The following INO80 variants were observed in gnomAD, a reference collection of about 807,000 sequenced individuals.
INO80 encodes the protein INO80 complex ATPase subunit.
INO80 carries 20 observed loss-of-function variants against 203.4 expected under a neutral mutation model. The observed-to-expected ratio is 0.10, with a 90% CI of 0.07 to 0.14. The LOEUF (loss-of-function observed/expected upper bound fraction) is 0.14. Among genes scored for constraint, INO80 ranks in the 10% least tolerant of loss-of-function variants. The pLI is 1.00. For missense variants in INO80, 1,419 were observed against 1,914.4 expected, an observed-to-expected ratio of 0.74 and a Z score of 4.83; for synonymous variants, 726 against 685.2, an observed-to-expected ratio of 1.06 and a Z score of -0.93.
At chr15:41,058,562 TGTGTGTGC>T (rs935803205) in intron 16 of INO80, 69 bp downstream of exon 16, 47 of 1,031,874 alleles carry the variant, frequency 4.6e-5, no homozygotes, top group East Asian at 7.4e-5. Flanking sequence ...TGTGTGTGTG[TGTGTGTGC>T]GTGTGTGTGT....
chr15:40,987,735 T>C (rs2043759861), intron 30 of INO80, 81 bp downstream of exon 30: 3 of 1,317,218 alleles, frequency 2.3e-6, no homozygotes, highest in African/African-American at 1.5e-5. Flanking sequence ...AAGAGAGTTT[T>C]AAAATAGTCT....
rs569394937 is a variant in INO80, at chr15:41,071,076, G to A, written c.1606-529C>T. Among the ~76,000 whole-genome samples the A allele has an allele frequency of 2.0e-5, 3 of 152,294 alleles. No individual in the cohort carries two copies. In the South Asian group the frequency reaches 6.2e-4, roughly 32 times the overall value. ...CCCAGCTATTCTGGGGGCTGAGGCAGGAGGGTCACTTGAGCCCAGGAGTTT... is the reference window on the plus strand; with the variant it reads ...CCCAGCTATTCTGGGGGCTGAGGCAAGAGGGTCACTTGAGCCCAGGAGTTT... On this transcript the variant is annotated intron_variant, in intron 12 of 35. Transcript: ENST00000648947.
At chr15:41,080,626 C>T (rs1457928210) in intron 8 of INO80, among the ~76,000 whole-genome samples, 3 of 152,126 alleles carry the variant, frequency 2.0e-5, no homozygotes, top group African/African-American at 7.2e-5. Flanking sequence ...GAGGCTGAGG[C>T]AGGCAGATCA....
chr15:41,076,318 CCA>C (rs2045401533), intron 9 of INO80, among the ~76,000 whole-genome samples: 3 of 152,060 alleles, frequency 2.0e-5, no homozygotes, highest in Non-Finnish European at 4.4e-5. Context: ...CGAGGTCACG[CCA>C]CTGCACTTCA....
In INO80 at chr15:41,092,132, G is replaced by A. The variant is rs75953315; in HGVS notation, c.432C>T (p.Asp144=). Residue 144 remains aspartate (D), a synonymous_variant, in exon 5 of 36, where the codon GAC becomes GAT. Transcript: ENST00000648947. ...TGAGATTGAGTTCTTCTTCATCATCGTCTTCACTCTGAGAATCAGCCTCGC... is the reference window on the plus strand; with the variant it reads ...TGAGATTGAGTTCTTCTTCATCATCATCTTCACTCTGAGAATCAGCCTCGC... ...ESSEADSQSE[D]DDEEELNLSR... 3,647 of 1,610,090 alleles carry A rather than the reference G, an allele frequency of 2.3e-3. 54 individuals are homozygous for A. The African/African-American group carries it at 0.041, about 18-fold the overall frequency.
intron 25 of INO80, among the ~76,000 whole-genome samples, chr15:41,023,972 A>T (rs2044338498): frequency 6.6e-6 from 1 of 152,124 alleles, no homozygotes; most frequent in South Asian, 2.1e-4. Flanking sequence ...TGAAAAGCCA[A>T]AAGCTAGAAT....
rs1319025385 is a variant in INO80 at position 40,984,262 on chromosome 15, G to C, written c.4012C>G (p.Leu1338Val). 6 of 1,614,074 alleles carry C rather than the reference G, an allele frequency of 3.7e-6. No homozygotes were observed. The highest frequency in any genetic ancestry group is 1.1e-5 in the South Asian group (1 of 91,058). ...AAGGAGTCATCTCCGTCAGCAGAGA[G>C]GTTGGAGTTATCAGCCGAGGGAACA... ...PFVPSADNSNLSADGDDSFIS... is the reference protein window; with the variant it reads ...PFVPSADNSNVSADGDDSFIS... The change falls in exon 33 of 36, where the codon CTC becomes GTC. Residue 1338 changes from leucine to valine, a missense_variant. Transcript: ENST00000648947.
At position 40,979,427 on chromosome 15, in the gene INO80, G is replaced by A. The variant is rs181962382; in HGVS notation, c.*796C>T. On this transcript the variant is annotated 3_prime_UTR_variant, in exon 36 of 36. Coordinates refer to ENST00000648947, the MANE Select transcript of INO80 (RefSeq NM_017553.3). ...AGCCAAGCAGGGGACTGAAGGGCATGAGCAGGGAGACTGTGCATTCAGGAT... is the reference window on the plus strand; with the variant it reads ...AGCCAAGCAGGGGACTGAAGGGCATAAGCAGGGAGACTGTGCATTCAGGAT... 2.0e-5 allele frequency: 3 copies of A among 153,414 alleles called. No homozygotes were observed. The highest frequency in any genetic ancestry group is 2.9e-5 in the Non-Finnish European group (2 of 68,568). 9.5% of individuals were successfully genotyped at this position (153,414 alleles called of 1,614,324 possible).
Position 40,980,432 on chromosome 15 carries a change from C to A in INO80, c.4462G>T (p.Ala1488Ser). The change falls in exon 36 of 36, where the codon GCC becomes TCC. Residue 1488 changes from alanine to serine, a missense_variant. Around this residue, in one of 9 missense-constraint regions of INO80, gnomAD observed 112 missense variants for 106.2 expected, o/e 1.05. Coordinates refer to ENST00000648947, the MANE Select transcript of INO80 (RefSeq NM_017553.3). ...AGGGATGTCTGCAGAGGACTGCTGG[C>A]GGAGATTCCTGTGGGGACGGAGAGA... ...YGYNVSKGIS[A>S]SSPLQTSLVR... 1 of 1,612,674 alleles carries A rather than the reference C, an allele frequency of 6.2e-7. No individual in the cohort carries two copies. Among genetic ancestry groups the A allele is most frequent in the Non-Finnish European group, 8.5e-7 (1 of 1,179,676 alleles).
At chr15:41,092,430 GAATA>G (rs1241846516) in intron 4 of INO80, among the ~76,000 whole-genome samples, 1 of 152,028 alleles carries the variant, frequency 6.6e-6, no homozygotes, top group African/African-American at 2.4e-5. Flanking sequence ...AAATTCCTCT[GAATA>G]CTTACAAAAG....
chr15:41,066,961 T>C (rs1337286248), intron 14 of INO80, among the ~76,000 whole-genome samples: 3 of 152,130 alleles, frequency 2.0e-5, no homozygotes, highest in Non-Finnish European at 4.4e-5. Context: ...CAGGCATACT[T>C]ATAAAGTCAA....
intron 14 of INO80, among the ~76,000 whole-genome samples, chr15:41,061,452 A>AC (rs2140562546): frequency 7.0e-6 from 1 of 142,980 alleles, no homozygotes; most frequent in African/African-American, 2.6e-5. Flanking sequence ...CAAAAATACA[A>AC]AAAAAAAAAA....
chr15:41,074,269 T>C (rs2045367448), intron 10 of INO80, 101 bp downstream of exon 10: 4 of 676,040 alleles, frequency 5.9e-6, no homozygotes, highest in South Asian at 3.0e-5. Context: ...TCTGGTAAAT[T>C]ACCTATGAAT....
chr15:41,075,034 G>A (rs140013762), intron 9 of INO80, among the ~76,000 whole-genome samples: 118 of 152,240 alleles, frequency 7.8e-4, no homozygotes, highest in Middle Eastern at 6.8e-3. Flanking sequence ...ACCACACCTG[G>A]CACAATGAAT....
intron 29 of INO80, among the ~76,000 whole-genome samples, chr15:40,989,857 T>C (rs545699309): frequency 6.6e-6 from 1 of 152,244 alleles, no homozygotes; most frequent in Admixed American, 6.5e-5. Flanking sequence ...TCCTGGCTTA[T>C]AATACATTTG....
chr15:41,116,201 C>T lies in INO80; in HGVS notation c.-272G>A. 3 of 409,722 alleles carry T rather than the reference C, an allele frequency of 7.3e-6. No homozygotes were observed. Among genetic ancestry groups the T allele is most frequent in the Non-Finnish European group, 1.3e-5 (3 of 235,760 alleles). 25.4% of individuals were successfully genotyped at this position (409,722 alleles called of 1,614,324 possible). The stretch of plus-strand genomic sequence containing the variant: ...GCGGCTGCGGGCGCTGGGCCGGCGG[C>T]GGCGGCGGCCACTTTCACTCACTGA... On this transcript the variant is annotated 5_prime_UTR_variant, in exon 1 of 36. Transcript: ENST00000648947.
intron 19 of INO80, among the ~76,000 whole-genome samples, chr15:41,051,859 G>A (rs1252083681): frequency 1.3e-5 from 2 of 152,194 alleles, no homozygotes; most frequent in African/African-American, 4.8e-5. Flanking sequence ...TAGGGAGGCT[G>A]AGGCAGGCGA....
At position 41,079,682 on chromosome 15, in the gene INO80, T is replaced by G. The variant is rs368245145; in HGVS notation, c.1131+19A>C. ...GCTGTAGTAATTAGGGTTTTCAAAA[T>G]GTTATGCTTTTGCCCTACCTCCCGC... On this transcript the variant is annotated intron_variant, in intron 9 of 35. Transcript: ENST00000648947. 3 of 1,611,742 alleles carry G rather than the reference T, an allele frequency of 1.9e-6. No individual in the cohort carries two copies. The South Asian group carries it at 3.3e-5, about 18-fold the overall frequency.
At chr15:41,045,729 CA>C (rs1040685675) in intron 23 of INO80, among the ~76,000 whole-genome samples, 12 of 142,308 alleles carry the variant, frequency 8.4e-5, no homozygotes, top group South Asian at 2.3e-4. Flanking sequence ...CTCACCTCTA[CA>C]AAAAAAAAAG....
Sources: allele counts gnomAD v4.1 joint callset (sites outside exome capture counted in the v4.1 genomes callset), GRCh38; gene constraint gnomAD v4.1.1; regional missense constraint gnomAD v4.1.1; transcripts MANE v1.5; gene names NCBI Gene and HGNC (gene_info 2026-07-23, HGNC 2026-07-21).